The following XPNPEP3 variants were observed in gnomAD, a reference collection of about 807,000 sequenced individuals.
XPNPEP3 encodes xaa-Pro aminopeptidase 3.
In XPNPEP3, 41 loss-of-function variants were observed where a neutral mutation model predicts 60.0. The ratio of observed to expected loss-of-function variants is 0.68; its 90% confidence interval spans 0.53 to 0.89. XPNPEP3 has a LOEUF of 0.89. XPNPEP3 is among the 40% of genes least tolerant of loss of function. XPNPEP3 has a pLI of 0.00. For missense variants in XPNPEP3, 598 were observed against 638.9 expected, an observed-to-expected ratio of 0.94 and a Z score of 0.69; for synonymous variants, 212 against 223.2, an observed-to-expected ratio of 0.95 and a Z score of 0.45.
At chr22:40,890,718 T>C (rs1177264091) in intron 4 of XPNPEP3, among the ~76,000 whole-genome samples, 1 of 151,420 alleles carries the variant, frequency 6.6e-6, no homozygotes, top group Admixed American at 6.6e-5. Context: ...TATAAAAAAA[T>C]TAGCTGGGCA....
chr22:40,899,794 G>T (rs1406284524), intron 4 of XPNPEP3, among the ~76,000 whole-genome samples: 1 of 146,790 alleles, frequency 6.8e-6, no homozygotes, highest in African/African-American at 2.5e-5. Flanking sequence ...ACTCCAGCCT[G>T]GTGACAGAGC....
chr22:40,891,442 CAG>C (rs1473619966), intron 4 of XPNPEP3, among the ~76,000 whole-genome samples: 1 of 151,846 alleles, frequency 6.6e-6, no homozygotes, highest in Admixed American at 6.6e-5. Context: ...ATCACAAGGT[CAG>C]GAGTTCGAGA....
chr22:40,885,980 T>C (rs1004547206), intron 3 of XPNPEP3, among the ~76,000 whole-genome samples: 2 of 151,932 alleles, frequency 1.3e-5, no homozygotes, highest in African/African-American at 4.8e-5. Flanking sequence ...AGACTCCATC[T>C]CAAAAATAAA....
chr22:40,901,511 A>G (rs2146265334), intron 4 of XPNPEP3, among the ~76,000 whole-genome samples: 1 of 152,358 alleles, frequency 6.6e-6, no homozygotes, highest in Non-Finnish European at 1.5e-5. Flanking sequence ...CTGGAATTAC[A>G]GGCGTGAGCC....
In XPNPEP3 at chr22:40,898,225, A is replaced by ATTTTTT. The variant is rs71200626; in HGVS notation, c.793-9328_793-9323dup. Among the ~76,000 whole-genome samples, 100 of 28,782 alleles carry ATTTTTT rather than the reference A, an allele frequency of 3.5e-3. 36 individuals carry two copies. Among genetic ancestry groups the ATTTTTT allele is most frequent in the Non-Finnish European group, 4.5e-3 (73 of 16,232 alleles). The allele number at this position is 28,782 out of a possible 152,430, so 18.9% of individuals were successfully genotyped here. On this transcript the variant is annotated intron_variant, in intron 4 of 9. Coordinates refer to ENST00000357137, the MANE Select transcript of XPNPEP3 (RefSeq NM_022098.4). ...TGTTTTATGTTTAGGTCTTTGACCC[A>ATTTTTT]TTTTTTTTTTTTTTTTTTTTTTTTT...
At chr22:40,858,681 G>A (rs1260626601) in intron 1 of XPNPEP3, among the ~76,000 whole-genome samples, 1 of 151,868 alleles carries the variant, frequency 6.6e-6, no homozygotes, top group Non-Finnish European at 1.5e-5. Context: ...ACAGGCGCCC[G>A]CCACCACGCC....
chr22:40,932,092 G>A lies in XPNPEP3; in HGVS notation c.*5657G>A, dbSNP rs1266756880. On this transcript the variant is annotated 3_prime_UTR_variant, in exon 10 of 10. Coordinates refer to ENST00000357137, the MANE Select transcript of XPNPEP3 (RefSeq NM_022098.4). Reference sequence around the variant, plus strand: ...CCCTCCTGTTCCCATGTCAGAGATGGAGAAGAAAGCACAGTGAGCTGTTCA... The same window carrying A: ...CCCTCCTGTTCCCATGTCAGAGATGAAGAAGAAAGCACAGTGAGCTGTTCA... 1 of 152,174 alleles carries A rather than the reference G, an allele frequency of 6.6e-6. No individual in the cohort carries two copies. Among genetic ancestry groups the A allele is most frequent in the Non-Finnish European group, 1.5e-5 (1 of 68,038 alleles). The allele number at this position is 152,174 out of a possible 1,614,324, so 9.4% of individuals were successfully genotyped here.
chr22:40,896,166 G>A (rs1234813576), intron 4 of XPNPEP3, among the ~76,000 whole-genome samples: 1 of 152,086 alleles, frequency 6.6e-6, no homozygotes, highest in African/African-American at 2.4e-5. Flanking sequence ...AAACCTTCCT[G>A]TAAAATTCTA....
chr22:40,882,458 G>A (rs769017826), intron 3 of XPNPEP3, among the ~76,000 whole-genome samples: 4 of 152,088 alleles, frequency 2.6e-5, no homozygotes, highest in Non-Finnish European at 4.4e-5. Context: ...CCAACATGGC[G>A]AAACCCCGTC....
chr22:40,922,892 A>G (rs1253737410), intron 8 of XPNPEP3, among the ~76,000 whole-genome samples: 1 of 152,198 alleles, frequency 6.6e-6, no homozygotes, highest in African/African-American at 2.4e-5. Context: ...GTCAGTACTT[A>G]TTTCTTCCAG....
chr22:40,890,407 C>T (rs1411246816), intron 4 of XPNPEP3, among the ~76,000 whole-genome samples: 1 of 151,020 alleles, frequency 6.6e-6, no homozygotes, highest in South Asian at 2.1e-4. Context: ...TTTAAAATAG[C>T]CAAGTGTGGT....
At position 40,922,449 on chromosome 22, in the gene XPNPEP3, T is replaced by C. The variant is rs1333193252; in HGVS notation, c.1172T>C (p.Leu391Pro). Residue 391 changes from leucine (L) to proline (P), a missense_variant, in exon 8 of 10, where the codon CTG (leucine) becomes CCG (proline). Leu to Pro is a moderately conservative substitution (Grantham distance 98). Transcript: ENST00000357137. ...AACATCTACAGCATGATGCTGACCC[T>C]GATAGGACAGAAGCTTAAAGACTTG... ...LENIYSMMLT[L>P]IGQKLKDLGI... The C allele has an allele frequency of 1.2e-6, 2 of 1,613,912 alleles. No individual in the cohort carries two copies. Among genetic ancestry groups the C allele is most frequent in the Non-Finnish European group, 1.7e-6 (2 of 1,179,960 alleles).
At chr22:40,865,020 G>C (rs2057971131) in intron 1 of XPNPEP3, among the ~76,000 whole-genome samples, 1 of 152,210 alleles carries the variant, frequency 6.6e-6, no homozygotes, top group Non-Finnish European at 1.5e-5. Context: ...TTTCAGTGGA[G>C]TGTAAAGTTA....
intron 4 of XPNPEP3, among the ~76,000 whole-genome samples, chr22:40,905,825 C>G (rs1305302484): frequency 6.6e-6 from 1 of 151,988 alleles, no homozygotes; most frequent in African/African-American, 2.4e-5. Flanking sequence ...CAGAGTCTCG[C>G]ACTGTGGCCC....
intron 2 of XPNPEP3, among the ~76,000 whole-genome samples, chr22:40,876,956 C>CTACA (rs2058029723): frequency 6.6e-6 from 1 of 152,096 alleles, no homozygotes; most frequent in African/African-American, 2.4e-5. Flanking sequence ...CAAAGGTAAC[C>CTACA]TACAGCTCAG....
chr22:40,882,729 G>A (rs1296061202), intron 3 of XPNPEP3, among the ~76,000 whole-genome samples: 1 of 151,996 alleles, frequency 6.6e-6, no homozygotes, highest in Admixed American at 6.6e-5. Flanking sequence ...AGGCGACAGA[G>A]CAAGACTCCA....
At chr22:40,887,722 A>G (rs1358756704) in intron 4 of XPNPEP3, among the ~76,000 whole-genome samples, 1 of 152,032 alleles carries the variant, frequency 6.6e-6, no homozygotes, top group South Asian at 2.1e-4. Context: ...AGAATCAGAG[A>G]CTCCAAAATG....
chr22:40,885,795 A>G (rs1382034242), intron 3 of XPNPEP3, among the ~76,000 whole-genome samples: 3 of 152,188 alleles, frequency 2.0e-5, no homozygotes, highest in Admixed American at 2.0e-4. Flanking sequence ...CAGCCTGACC[A>G]ATATGGTGAA....
intron 4 of XPNPEP3, among the ~76,000 whole-genome samples, chr22:40,890,293 A>C (rs2058083810): frequency 1.3e-5 from 2 of 152,148 alleles, no homozygotes; most frequent in South Asian, 4.1e-4. Context: ...CACACCTGTA[A>C]TCCCAGCACT....
Sources: allele counts gnomAD v4.1 joint callset (sites outside exome capture counted in the v4.1 genomes callset), GRCh38; gene constraint gnomAD v4.1.1; transcripts MANE v1.5; gene names NCBI Gene and HGNC (gene_info 2026-07-23, HGNC 2026-07-21).